Variants in OR52N4 observed in about 807,000 individuals in gnomAD.
OR52N4 encodes the protein olfactory receptor family 52 subfamily N member 4.
OR52N4 carries 15 observed loss-of-function variants against 15.0 expected under a neutral mutation model. The ratio of observed to expected loss-of-function variants is 1.00; its 90% CI spans 0.67 to 1.54. The LOEUF is 1.54. OR52N4 is among the 40% of genes most tolerant of loss of function. OR52N4 has a pLI of 0.00. For missense variants in OR52N4, 421 were observed against 394.0 expected (o/e 1.07, Z -0.58); for synonymous variants, 143 against 143.7 (o/e 1.00, Z 0.03).
chr11:5,743,165 T>C, the OR52N4 span, among the ~76,000 whole-genome samples: 2 of 83,292 alleles, frequency 2.4e-5, no homozygotes, highest in South Asian at 3.7e-4. Flanking sequence ...GCAATGTTAA[T>C]CAATTCAAGA....
At chr11:5,748,045 A>G in the OR52N4 span, among the ~76,000 whole-genome samples, 1 of 147,330 alleles carries the variant, frequency 6.8e-6, no homozygotes, top group Admixed American at 7.1e-5. Flanking sequence ...TTTTGAAAGG[A>G]TCTACATACA....
upstream of OR52N4, among the ~76,000 whole-genome samples, chr11:5,749,876 A>C (rs942742608): frequency 1.3e-5 from 2 of 152,018 alleles, no homozygotes; most frequent in African/African-American, 4.8e-5. Context: ...CAGCATAGCA[A>C]AGTCAAATTT....
chr11:5,747,453 A>C, the OR52N4 span, among the ~76,000 whole-genome samples: 1 of 152,120 alleles, frequency 6.6e-6, no homozygotes, highest in Non-Finnish European at 1.5e-5. Context: ...CCTCACCACA[A>C]AAATGACAAT....
rs1367520577 is a variant in OR52N4, at chr11:5,754,844, C to T, written c.104C>T (p.Ser35Phe). ...TQLWISFPFC[S>F]MYVVAMVGNC... Reference sequence around the variant, plus strand: ...CTCTGGATTTCCTTCCCATTCTGCTCTATGTATGTTGTGGCTATGGTAGGG... The same window carrying T: ...CTCTGGATTTCCTTCCCATTCTGCTTTATGTATGTTGTGGCTATGGTAGGG... The change falls in exon 2 of 2, where the codon TCT becomes TTT. Residue 35 changes from serine to phenylalanine, a missense_variant. Transcript: ENST00000641350. The T allele has an allele frequency of 1.2e-6, 2 of 1,613,792 alleles. No homozygotes were observed.
chr11:5,735,190 T>A, the OR52N4 span, among the ~76,000 whole-genome samples: 3 of 152,048 alleles, frequency 2.0e-5, no homozygotes, highest in South Asian at 6.2e-4. Flanking sequence ...GCTTCCACCA[T>A]GGCAAAAATA....
In OR52N4 at chr11:5,754,834, C is replaced by T. The variant is rs1401585094; in HGVS notation, c.94C>T (p.Pro32Ser). ...LEDTQLWISF[P>S]FCSMYVVAMV... The stretch of plus-strand genomic sequence containing the variant: ...AGACACACAACTCTGGATTTCCTTC[C>T]CATTCTGCTCTATGTATGTTGTGGC... The change falls in exon 2 of 2, where the codon CCA becomes TCA. Residue 32 changes from proline (P) to serine (S), a missense_variant. Transcript: ENST00000641350. 3.1e-6 allele frequency: 5 copies of T among 1,613,640 alleles called. No individual in the cohort carries two copies. Among genetic ancestry groups the T allele is most frequent in the Non-Finnish European group, 3.4e-6 (4 of 1,179,790 alleles).
chr11:5,735,976 C>A, the OR52N4 span: 2 of 154,556 alleles, frequency 1.3e-5, no homozygotes, highest in Admixed American at 1.3e-4. Flanking sequence ...TACCTAAATC[C>A]TGTATTTATG....
the OR52N4 span, among the ~76,000 whole-genome samples, chr11:5,741,555 G>A: frequency 1.3e-5 from 2 of 152,194 alleles, no homozygotes; most frequent in Non-Finnish European, 2.9e-5. Flanking sequence ...CACCAGAAAA[G>A]TATGTTCTAT....
In OR52N4 at chr11:5,755,805, C is replaced by A; in HGVS notation, c.*99C>A. 7.1e-7 allele frequency: 1 copy of A among 1,405,144 alleles called. No individual in the cohort carries two copies. Among genetic ancestry groups the A allele is most frequent in the Non-Finnish European group, 9.5e-7 (1 of 1,049,632 alleles). 87.0% of individuals were successfully genotyped at this position (1,405,144 alleles called of 1,614,324 possible). A position where few individuals can be genotyped will look rare whatever the true frequency, so the allele number is the denominator to read the frequency against. ...ATCTTTCTGGAAGCACTGTATTGAT[C>A]ACAAAATGGAGTTTGTTAACTGGTG... On this transcript the variant is annotated 3_prime_UTR_variant, in exon 2 of 2. Transcript: ENST00000641350.
the OR52N4 span, chr11:5,736,763 G>A: frequency 6.2e-7 from 1 of 1,613,878 alleles, no homozygotes; most frequent in African/African-American, 1.3e-5. Context: ...CATGGGTCTG[G>A]CCACTACTAT....
the OR52N4 span, among the ~76,000 whole-genome samples, chr11:5,740,346 C>T: frequency 2.4e-4 from 30 of 127,204 alleles, 8 homozygotes; most frequent in African/African-American, 7.3e-4. Flanking sequence ...ATAGTGGAGT[C>T]GACTGATTAC....
the OR52N4 span, among the ~76,000 whole-genome samples, chr11:5,742,772 G>A: frequency 6.6e-6 from 1 of 151,798 alleles, no homozygotes; most frequent in African/African-American, 2.4e-5. Context: ...TGATACTTGC[G>A]ACAATAAAAA....
rs745402670 is a variant in OR52N4, at chr11:5,755,089, C to T, written c.349C>T (p.Leu117Phe). Residue 117 changes from leucine to phenylalanine, a missense_variant, in exon 2 of 2, where the codon CTT (leucine) becomes TTT (phenylalanine). Transcript: ENST00000641350. Reference sequence around the variant, plus strand: ...CTTCACAGGGATGGAGTCTGGGGTGCTTATGCTTATGGCCCTGGATCGCTA... The same window carrying T: ...CTTCACAGGGATGGAGTCTGGGGTGTTTATGCTTATGGCCCTGGATCGCTA... ...HTFTGMESGV[L>F]MLMALDRYVA... The T allele has an allele frequency of 3.7e-6, 6 of 1,613,930 alleles. No individual in the cohort carries two copies. Among genetic ancestry groups the T allele is most frequent in the Admixed American group, 1.7e-5 (1 of 59,970 alleles).
chr11:5,742,692 G>A, the OR52N4 span, among the ~76,000 whole-genome samples: 2 of 152,050 alleles, frequency 1.3e-5, no homozygotes, highest in African/African-American at 4.8e-5. Flanking sequence ...AAACACTAAG[G>A]AAATGTGTCA....
At chr11:5,733,896 T>C in the OR52N4 span, among the ~76,000 whole-genome samples, 1 of 152,206 alleles carries the variant, frequency 6.6e-6, no homozygotes, top group Admixed American at 6.5e-5. Flanking sequence ...TAAATGAAGA[T>C]ATTCTTCTAT....
chr11:5,748,171 AT>A, the OR52N4 span, among the ~76,000 whole-genome samples: 1 of 151,956 alleles, frequency 6.6e-6, no homozygotes, highest in Non-Finnish European at 1.5e-5. Context: ...TGTAATATTT[AT>A]GCTATAATGC....
the OR52N4 span, among the ~76,000 whole-genome samples, chr11:5,747,197 G>C: frequency 6.6e-6 from 1 of 151,638 alleles, no homozygotes; most frequent in African/African-American, 2.4e-5. Flanking sequence ...ATTGGTCAAA[G>C]GTAACAAAAT....
At chr11:5,737,044 T>C in the OR52N4 span, 3 of 1,614,104 alleles carry the variant, frequency 1.9e-6, no homozygotes, top group South Asian at 3.3e-5. Context: ...CACAGCGTGA[T>C]TATTGCTCCA....
chr11:5,727,725 C>T, the OR52N4 span, among the ~76,000 whole-genome samples: 30 of 152,120 alleles, frequency 2.0e-4, no homozygotes, highest in Admixed American at 1.8e-3. Context: ...GGGTTTCTAC[C>T]CTGCTGCAGT....
Sources: allele counts gnomAD v4.1 joint callset (sites outside exome capture counted in the v4.1 genomes callset), GRCh38; gene constraint gnomAD v4.1.1; transcripts MANE v1.5; gene names NCBI Gene and HGNC (gene_info 2026-07-23, HGNC 2026-07-21).